The following RAB8B variants were observed in gnomAD, a reference collection of about 807,000 sequenced individuals.
RAB8B encodes the protein ras-related protein Rab-8B.
RAB8B carries 11 observed loss-of-function variants against 32.0 expected under a neutral mutation model. The ratio of observed to expected loss-of-function variants is 0.34; its 90% CI spans 0.22 to 0.57. The LOEUF is 0.57. Among genes scored for constraint, RAB8B ranks in the 20% least tolerant of loss-of-function variants. The pLI, the probability that RAB8B is intolerant of heterozygous loss-of-function variation, is 0.86. For synonymous variants in RAB8B, 103 were observed against 89.6 expected (o/e 1.15, Z -0.85); for missense variants, 190 against 258.5 (o/e 0.73, Z 1.82).
chr15:63,202,948 A>G (rs989517052), intron 1 of RAB8B, among the ~76,000 whole-genome samples: 2 of 152,222 alleles, frequency 1.3e-5, no homozygotes, highest in African/African-American at 4.8e-5. Context: ...CTTGCCTCAT[A>G]GGGAAGTCTC....
intron 4 of RAB8B, among the ~76,000 whole-genome samples, 175 bp from the exon 5 acceptor site, chr15:63,256,330 C>T (rs879049012): frequency 1.3e-5 from 2 of 152,174 alleles, no homozygotes; most frequent in South Asian, 4.1e-4. Context: ...TGTGAGGGCT[C>T]TTGTACTGTA....
Position 63,264,356 on chromosome 15 carries a change from A to G in RAB8B, c.*737A>G, listed in dbSNP as rs1213215816. 2 of 152,168 alleles carry G rather than the reference A, an allele frequency of 1.3e-5. No homozygotes were observed. The highest frequency in any genetic ancestry group is 2.9e-5 in the Non-Finnish European group (2 of 68,018). 9.4% of individuals were successfully genotyped at this position (152,168 alleles called of 1,614,324 possible). On this transcript the variant is annotated 3_prime_UTR_variant, in exon 8 of 8. Transcript: ENST00000321437. The stretch of plus-strand genomic sequence containing the variant: ...TTTTTCCCTGGGGTTTGTATTTGCT[A>G]TTCTTTCCCATGTTTGACTTAAGTG...
chr15:63,190,415 A>C (rs1036313356), intron 1 of RAB8B, among the ~76,000 whole-genome samples: 2 of 152,078 alleles, frequency 1.3e-5, no homozygotes, highest in African/African-American at 4.8e-5. Context: ...TTGATGGAGA[A>C]AGTAAAGGGA....
chr15:63,219,755 C>G (rs1433411095), intron 1 of RAB8B, among the ~76,000 whole-genome samples: 1 of 152,186 alleles, frequency 6.6e-6, no homozygotes, highest in East Asian at 1.9e-4. Flanking sequence ...CAGACAGATC[C>G]CTTTTTTTCC....
intron 1 of RAB8B, among the ~76,000 whole-genome samples, chr15:63,208,774 C>T (rs1297356872): frequency 6.6e-6 from 1 of 152,090 alleles, no homozygotes; most frequent in Non-Finnish European, 1.5e-5. Context: ...CCAAGATGCT[C>T]TTTCCTCAGT....
At chr15:63,225,228 A>G (rs1047331445) in intron 1 of RAB8B, among the ~76,000 whole-genome samples, 4 of 152,162 alleles carry the variant, frequency 2.6e-5, no homozygotes, top group African/African-American at 9.7e-5. Flanking sequence ...AGTTTTTAGT[A>G]TTACCATTCC....
At chr15:63,214,574 G>A (rs775311776) in intron 1 of RAB8B, among the ~76,000 whole-genome samples, 10 of 152,018 alleles carry the variant, frequency 6.6e-5, no homozygotes, top group African/African-American at 9.7e-5. Context: ...CCAAAAGGCC[G>A]AGAAGCCATC....
intron 1 of RAB8B, among the ~76,000 whole-genome samples, chr15:63,215,411 A>G (rs1410900941): frequency 6.6e-6 from 1 of 152,226 alleles, no homozygotes; most frequent in Non-Finnish European, 1.5e-5. Flanking sequence ...ACAAGTTTGT[A>G]AAGAGTAGGA....
chr15:63,234,560 G>A (rs575709693), intron 1 of RAB8B, among the ~76,000 whole-genome samples: 1 of 152,066 alleles, frequency 6.6e-6, no homozygotes, highest in Non-Finnish European at 1.5e-5. Flanking sequence ...TGTTTTGCTG[G>A]CCAAGCCCTT....
At chr15:63,247,385 T>G (rs186723062) in intron 2 of RAB8B, among the ~76,000 whole-genome samples, 1 of 152,356 alleles carries the variant, frequency 6.6e-6, no homozygotes, top group African/African-American at 2.4e-5. Flanking sequence ...ATCTTATGAT[T>G]ACCCAACTCT....
At chr15:63,199,027 A>G (rs1319310044) in intron 1 of RAB8B, among the ~76,000 whole-genome samples, 2 of 152,196 alleles carry the variant, frequency 1.3e-5, no homozygotes, top group African/African-American at 2.4e-5. Flanking sequence ...TTTCTCTTCT[A>G]AATATCTCTG....
At chr15:63,207,186 A>ACG (rs1215150361) in intron 1 of RAB8B, among the ~76,000 whole-genome samples, 15 of 152,164 alleles carry the variant, frequency 9.9e-5, no homozygotes, top group African/African-American at 3.6e-4. Flanking sequence ...CTGTGTGATT[A>ACG]TTGCATTGAT....
At chr15:63,199,471 T>G (rs1278110047) in intron 1 of RAB8B, among the ~76,000 whole-genome samples, 1 of 152,210 alleles carries the variant, frequency 6.6e-6, no homozygotes, top group Non-Finnish European at 1.5e-5. Context: ...CTATTTTGTC[T>G]ACATCATTTT....
chr15:63,234,477 T>G (rs554395230), intron 1 of RAB8B, among the ~76,000 whole-genome samples: 7 of 152,366 alleles, frequency 4.6e-5, no homozygotes, highest in African/African-American at 1.4e-4. Context: ...CCAGTACTGC[T>G]CATTCCAAGT....
intron 5 of RAB8B, 105 bp downstream of exon 5, chr15:63,256,699 C>A (rs78639913): frequency 3.6e-6 from 3 of 829,166 alleles, no homozygotes; most frequent in Admixed American, 3.2e-5. Flanking sequence ...GTGTTTTAAT[C>A]CCTTTAAATT....
intron 1 of RAB8B, among the ~76,000 whole-genome samples, chr15:63,215,455 G>C (rs1208646357): frequency 6.6e-6 from 1 of 152,170 alleles, no homozygotes; most frequent in Non-Finnish European, 1.5e-5. Flanking sequence ...AATTTAACCA[G>C]TTAACGCTGT....
chr15:63,249,449 G>T (rs1357592473), intron 2 of RAB8B, among the ~76,000 whole-genome samples, 196 bp from the exon 3 acceptor site: 1 of 152,142 alleles, frequency 6.6e-6, no homozygotes, highest in Non-Finnish European at 1.5e-5. Flanking sequence ...GTCATTGTGA[G>T]CTCTTGACAG....
chr15:63,242,261 A>AT (rs2038038355), intron 1 of RAB8B, among the ~76,000 whole-genome samples: 1 of 151,814 alleles, frequency 6.6e-6, no homozygotes, highest in African/African-American at 2.4e-5. Flanking sequence ...AAAGGAGGAA[A>AT]TTCGGTTGGT....
At chr15:63,247,785 G>A (rs766310723) in intron 2 of RAB8B, among the ~76,000 whole-genome samples, 2 of 152,158 alleles carry the variant, frequency 1.3e-5, no homozygotes, top group African/African-American at 2.4e-5. Context: ...TTCTTTTATA[G>A]AGAAGGAAAC....
Sources: allele counts gnomAD v4.1 joint callset (sites outside exome capture counted in the v4.1 genomes callset), GRCh38; gene constraint gnomAD v4.1.1; transcripts MANE v1.5; gene names NCBI Gene and HGNC (gene_info 2026-07-23, HGNC 2026-07-21).